ZNF562: variants seen among roughly 807,000 people sequenced by gnomAD.
The protein encoded by ZNF562 is zinc finger protein 562.
Under a neutral mutation model 17.5 loss-of-function variants are expected in ZNF562, and 13 were observed. The ratio of observed to expected loss-of-function variants is 0.74; its 90% CI spans 0.48 to 1.18. The LOEUF is 1.18. Ranked by LOEUF, ZNF562 falls within the 50% of genes most tolerant of loss-of-function variation. The pLI is 0.00. For missense variants in ZNF562, 481 were observed against 498.5 expected, an observed-to-expected ratio of 0.96 and a Z score of 0.33; for synonymous variants, 163 against 165.4, an observed-to-expected ratio of 0.99 and a Z score of 0.11.
intron 5 of ZNF562, among the ~76,000 whole-genome samples, chr19:9,654,165 C>CT (rs1035183481): frequency 1.3e-5 from 2 of 151,864 alleles, no homozygotes; most frequent in East Asian, 3.9e-4. Context: ...AGTTTTTCTA[C>CT]TTTTTTTGTA....
At chr19:9,669,705 T>TGCGC (rs1491415624) in intron 1 of ZNF562, among the ~76,000 whole-genome samples, 3 of 103,048 alleles carry the variant, frequency 2.9e-5, no homozygotes, top group South Asian at 5.7e-4. Flanking sequence ...CCTGTCTGCA[T>TGCGC]GCACGCGCGC....
intron 1 of ZNF562, among the ~76,000 whole-genome samples, chr19:9,674,038 G>A (rs1020562486): frequency 7.2e-5 from 11 of 152,210 alleles, no homozygotes; most frequent in Non-Finnish European, 1.3e-4. Context: ...GCAATGGTGA[G>A]CACACACCAG....
Position 9,653,411 on chromosome 19 carries a change from A to C in ZNF562, c.819T>G (p.Ser273=). ...KNCGKSFTNF[S]QLSAHAKTHK... ...GAGTTTTTGCATGTGCAGAAAGTTG[A>C]GAAAAATTAGTGAAGGATTTCCCAC... is the stretch of plus-strand genomic sequence containing the variant. The change falls in exon 6 of 6, where the codon TCT becomes TCG. Residue 273 remains serine, a synonymous_variant. Transcript: ENST00000453372. 1 of 1,614,208 alleles carries C rather than the reference A, an allele frequency of 6.2e-7. No homozygotes were observed. Among genetic ancestry groups the C allele is most frequent in the Non-Finnish European group, 8.5e-7 (1 of 1,180,036 alleles).
At chr19:9,671,526 T>C (rs2044197305) in intron 1 of ZNF562, among the ~76,000 whole-genome samples, 1 of 152,218 alleles carries the variant, frequency 6.6e-6, no homozygotes, top group Non-Finnish European at 1.5e-5. Flanking sequence ...CTACCATCCA[T>C]AGACCTCTTG....
chr19:9,669,494 T>C (rs2044066118), intron 1 of ZNF562, among the ~76,000 whole-genome samples: 1 of 152,106 alleles, frequency 6.6e-6, no homozygotes, highest in South Asian at 2.1e-4. Context: ...ATAATCCTTG[T>C]ATGCAGTTGG....
Position 9,658,036 on chromosome 19 carries a change from C to G in ZNF562, c.214G>C (p.Glu72Gln), listed in dbSNP as rs1273548250. ...QKYLYRDVMLENYMNLASVDF... is the reference protein window; with the variant it reads ...QKYLYRDVMLQNYMNLASVDF... ...ACAGAGGCCAGGTTCATGTAGTTCT[C>G]CAGCATCACATCTCTGTAGAGGTAT... The change falls in exon 4 of 6, where the codon GAG (glutamate) becomes CAG (glutamine). Residue 72 changes from glutamate to glutamine, a missense_variant. This residue lies in a region of ZNF562 where 403 missense variants were observed against 386.4 expected (regional missense o/e 1.04). Coordinates refer to ENST00000453372, the MANE Select transcript of ZNF562 (RefSeq NM_001130031.2). The G allele has an allele frequency of 6.2e-7, 1 of 1,613,192 alleles. No individual in the cohort carries two copies. The highest frequency in any genetic ancestry group is 8.5e-7 in the Non-Finnish European group (1 of 1,179,598).
chr19:9,674,304 GTC>G (rs1271378792), intron 1 of ZNF562, among the ~76,000 whole-genome samples: 1 of 152,174 alleles, frequency 6.6e-6, no homozygotes, highest in Non-Finnish European at 1.5e-5. Context: ...ATCAGAATGA[GTC>G]AGGGTGGAGC....
At chr19:9,661,670 C>T (rs1332766093) in intron 1 of ZNF562, among the ~76,000 whole-genome samples, 1 of 152,094 alleles carries the variant, frequency 6.6e-6, no homozygotes, top group Non-Finnish European at 1.5e-5. Context: ...TGGTGGGCAC[C>T]TGGAATCCCA....
At chr19:9,660,295 A>G (rs1463357994) in intron 2 of ZNF562, among the ~76,000 whole-genome samples, 1 of 151,790 alleles carries the variant, frequency 6.6e-6, no homozygotes, top group East Asian at 1.9e-4. Flanking sequence ...TGAATAAAAT[A>G]AAAGAGCATT....
At chr19:9,657,391 C>CA (rs540611946) in intron 4 of ZNF562, among the ~76,000 whole-genome samples, 2,872 of 87,884 alleles carry the variant, frequency 0.033, 100 homozygotes, top group African/African-American at 0.1. Flanking sequence ...GAGACTCCCT[C>CA]AAAAAAAAAA....
rs763657709 is a variant in ZNF562, at chr19:9,659,929, TAAAAAAAAAAAAAAAAAAAAAAAAA to T, written c.26-487_26-463del. Among the ~76,000 whole-genome samples, 36 of 37,374 alleles carry T rather than the reference TAAAAAAAAAAAAAAAAAAAAAAAAA, an allele frequency of 9.6e-4. 1 individual carries two copies. The highest frequency in any genetic ancestry group is 2.1e-3 in the East Asian group (3 of 1,396). 24.5% of individuals were successfully genotyped at this position (37,374 alleles called of 152,430 possible). A position where few individuals can be genotyped will look rare whatever the true frequency, so the allele number is the denominator to read the frequency against. ...CAACATGGCAAAACCCCGTCTCTACTAAAAAAAAAAAAAAAAAAAAAAAAAAAAAAAAAAAAAAAAAAAAAAAAAC... is the reference window on the plus strand; with the variant it reads ...CAACATGGCAAAACCCCGTCTCTACTAAAAAAAAAAAAAAAAAAAAAAAAC... On this transcript the variant is annotated intron_variant, in intron 2 of 5. Coordinates refer to ENST00000453372, the MANE Select transcript of ZNF562 (RefSeq NM_001130031.2).
At chr19:9,657,266 A>G (rs2043534342) in intron 4 of ZNF562, among the ~76,000 whole-genome samples, 1 of 150,844 alleles carries the variant, frequency 6.6e-6, no homozygotes, top group Admixed American at 6.6e-5. Context: ...GATAAACTTA[A>G]CAAAAAAACA....
chr19:9,671,103 T>A (rs1014696794), intron 1 of ZNF562, among the ~76,000 whole-genome samples: 9 of 151,854 alleles, frequency 5.9e-5, no homozygotes, highest in Non-Finnish European at 1.3e-4. Flanking sequence ...TTAATACGCA[T>A]CTATCATACA....
intron 1 of ZNF562, among the ~76,000 whole-genome samples, chr19:9,671,668 C>G (rs929867694): frequency 2.6e-5 from 4 of 152,200 alleles, no homozygotes; most frequent in African/African-American, 9.7e-5. Flanking sequence ...CTTGGTCCAC[C>G]TGATCCAGCA....
intron 1 of ZNF562, among the ~76,000 whole-genome samples, chr19:9,670,910 T>A (rs1249788868): frequency 6.6e-6 from 1 of 150,842 alleles, no homozygotes; most frequent in African/African-American, 2.4e-5. Flanking sequence ...GGCAGGAGAA[T>A]CACTTGAATC....
At chr19:9,669,784 A>G (rs892310429) in intron 1 of ZNF562, among the ~76,000 whole-genome samples, 2 of 150,158 alleles carry the variant, frequency 1.3e-5, no homozygotes, top group South Asian at 2.1e-4. Context: ...ACAACCAGTC[A>G]GGGACAGTAG....
At position 9,651,609 on chromosome 19, in the gene ZNF562, A is replaced by G. The variant is rs1434507291; in HGVS notation, c.*1340T>C. 1 of 152,258 alleles carries G rather than the reference A, an allele frequency of 6.6e-6. No homozygotes were observed. Among genetic ancestry groups the G allele is most frequent in the Non-Finnish European group, 1.5e-5 (1 of 68,064 alleles). 9.4% of individuals were successfully genotyped at this position (152,258 alleles called of 1,614,324 possible). On this transcript the variant is annotated 3_prime_UTR_variant, in exon 6 of 6. Coordinates refer to ENST00000453372, the MANE Select transcript of ZNF562 (RefSeq NM_001130031.2). ...GCAACACCTGGCCCACCCAGGGCAGAAAACTGGAAAACTGCTCAAGGCATT... is the reference window on the plus strand; with the variant it reads ...GCAACACCTGGCCCACCCAGGGCAGGAAACTGGAAAACTGCTCAAGGCATT...
intron 5 of ZNF562, among the ~76,000 whole-genome samples, chr19:9,655,420 C>A (rs1314262286): frequency 7.9e-5 from 12 of 152,208 alleles, no homozygotes; most frequent in Non-Finnish European, 1.5e-5. Context: ...CACATTCAGA[C>A]TATCTCTCCA....
In ZNF562 at chr19:9,653,442, T is replaced by G; in HGVS notation, c.788A>C (p.Lys263Thr). 1 of 1,614,224 alleles carries G rather than the reference T, an allele frequency of 6.2e-7. No homozygotes were observed. The highest frequency in any genetic ancestry group is 2.2e-5 in the East Asian group (1 of 44,874). ...ATTAGTGAAGGATTTCCCACAGTTC[T>G]TAGTCTTTTCGGATTTCTTTCCAGT... ...VHTGKKSEKT[K>T]NCGKSFTNFS... The change falls in exon 6 of 6, where the codon AAG (lysine) becomes ACG (threonine). Residue 263 changes from lysine to threonine, a missense_variant. Transcript: ENST00000453372.
Sources: allele counts gnomAD v4.1 joint callset (sites outside exome capture counted in the v4.1 genomes callset), GRCh38; gene constraint gnomAD v4.1.1; regional missense constraint gnomAD v4.1.1; transcripts MANE v1.5; gene names NCBI Gene and HGNC (gene_info 2026-07-23, HGNC 2026-07-21).